Variants in AOPEP observed in about 807,000 individuals in gnomAD.
The protein encoded by AOPEP is aminopeptidase O (putative).
A neutral mutation model predicts 98.1 loss-of-function variants in AOPEP; 77 were observed. The ratio of observed to expected loss-of-function variants is 0.78; its 90% CI spans 0.65 to 0.95. The LOEUF is 0.95. Ranked by LOEUF, AOPEP falls within the 40% of genes least tolerant of loss-of-function variation. AOPEP has a pLI of 0.00. For missense variants in AOPEP, 1,024 were observed against 1,024.7 expected (o/e 1.00, Z 0.01); for synonymous variants, 346 against 365.3 (o/e 0.95, Z 0.60).
At chr9:95,083,653 T>C (rs1297627904) in intron 16 of AOPEP, among the ~76,000 whole-genome samples, 1 of 128,774 alleles carries the variant, frequency 7.8e-6, no homozygotes, top group African/African-American at 3.1e-5. Context: ...ACACAGCGCG[T>C]GCACCACACA....
chr9:94,994,143 A>G (rs2061072539), intron 11 of AOPEP, among the ~76,000 whole-genome samples: 1 of 152,138 alleles, frequency 6.6e-6, no homozygotes, highest in African/African-American at 2.4e-5. Flanking sequence ...TTGCTCTACA[A>G]TTCTCTCTGG....
chr9:95,086,743 T>A lies in AOPEP; in HGVS notation c.*66T>A, dbSNP rs2070749839. On this transcript the variant is annotated 3_prime_UTR_variant, in exon 17 of 17. Coordinates refer to ENST00000375315, the MANE Select transcript of AOPEP (RefSeq NM_001193329.3). ...CTAGCCTGGGGGACCAGGCTCGAAC[T>A]GACCCTGGACATCAAAGGAGGGATT... 2 of 988,230 alleles carry A rather than the reference T, an allele frequency of 2.0e-6. No individual in the cohort carries two copies. The highest frequency in any genetic ancestry group is 4.7e-5 in the South Asian group (1 of 21,388). 61.2% of individuals were successfully genotyped at this position (988,230 alleles called of 1,614,324 possible). A position where few individuals can be genotyped will look rare whatever the true frequency, so the allele number is the denominator to read the frequency against.
At chr9:94,762,364 G>A (rs972651977) in intron 2 of AOPEP, among the ~76,000 whole-genome samples, 3 of 151,866 alleles carry the variant, frequency 2.0e-5, no homozygotes, top group Admixed American at 6.6e-5. Flanking sequence ...GGAGAATGGC[G>A]TGAACCCGGG....
intron 13 of AOPEP, among the ~76,000 whole-genome samples, chr9:95,035,979 A>G (rs1284571422): frequency 6.6e-6 from 1 of 152,178 alleles, no homozygotes; most frequent in Non-Finnish European, 1.5e-5. Flanking sequence ...GAGGGTGGTG[A>G]CTGTAGACCC....
chr9:94,970,690 G>C (rs2059482134), intron 10 of AOPEP, among the ~76,000 whole-genome samples: 1 of 150,698 alleles, frequency 6.6e-6, no homozygotes, highest in Non-Finnish European at 1.5e-5. Flanking sequence ...AATGTTTTCA[G>C]ATTTGCTGTC....
the AOPEP span, chr9:95,111,543 C>G: frequency 3.1e-6 from 5 of 1,614,026 alleles, no homozygotes; most frequent in Non-Finnish European, 3.4e-6. Context: ...GTGGGGGGTT[C>G]GGCTGCCGAC....
chr9:94,864,463 T>G (rs555695894), intron 5 of AOPEP, among the ~76,000 whole-genome samples: 2 of 152,338 alleles, frequency 1.3e-5, no homozygotes, highest in East Asian at 3.9e-4. Context: ...AAAAATGCGT[T>G]AAAAATTGCT....
chr9:95,111,056 C>T, the AOPEP span: 40 of 1,476,384 alleles, frequency 2.7e-5, no homozygotes, highest in African/African-American at 3.4e-4. Context: ...AAGCCCTGGC[C>T]GGGCTGCTGG....
At chr9:94,984,265 G>A (rs191016238) in intron 11 of AOPEP, among the ~76,000 whole-genome samples, 12 of 152,248 alleles carry the variant, frequency 7.9e-5, no homozygotes, top group Admixed American at 1.3e-4. Context: ...TCCTGACCTC[G>A]TGATCTGTCT....
intron 5 of AOPEP, among the ~76,000 whole-genome samples, chr9:94,906,454 G>GA (rs2051143429): frequency 4.0e-5 from 1 of 25,218 alleles, no homozygotes; most frequent in South Asian, 1.6e-3. Flanking sequence ...GACCCTGTCT[G>GA]AAATAATAAT....
chr9:94,853,741 G>T (rs138326830), intron 5 of AOPEP, among the ~76,000 whole-genome samples: 1 of 152,248 alleles, frequency 6.6e-6, no homozygotes, highest in South Asian at 2.1e-4. Context: ...GGTACAAGTC[G>T]CACTACTATT....
At chr9:94,883,330 C>G (rs915041044) in intron 5 of AOPEP, among the ~76,000 whole-genome samples, 4 of 152,176 alleles carry the variant, frequency 2.6e-5, no homozygotes, top group Admixed American at 2.6e-4. Flanking sequence ...AGAATCAAAA[C>G]AGATTCAGAG....
chr9:95,087,985 G>C (rs73654515), downstream of AOPEP, among the ~76,000 whole-genome samples: 2,256 of 152,240 alleles, frequency 0.015, 58 homozygotes, highest in African/African-American at 0.051. Flanking sequence ...GGGAGGCCTT[G>C]GTCTCCAGAA....
chr9:95,093,844 G>A, the AOPEP span, among the ~76,000 whole-genome samples: 10 of 152,296 alleles, frequency 6.6e-5, no homozygotes, highest in African/African-American at 1.4e-4. Context: ...TGGGGGCTTC[G>A]TTCAAGTCCC....
At chr9:94,836,202 G>A (rs1317403458) in intron 5 of AOPEP, among the ~76,000 whole-genome samples, 1 of 152,150 alleles carries the variant, frequency 6.6e-6, no homozygotes, top group African/African-American at 2.4e-5. Context: ...TCATAGCACA[G>A]GCTTTTGTGT....
chr9:95,099,238 T>G, the AOPEP span: 4 of 218,058 alleles, frequency 1.8e-5, no homozygotes, highest in African/African-American at 9.0e-5. Flanking sequence ...CAGCATGCTT[T>G]ATCAAAAACT....
chr9:94,955,111 T>C, intron 7 of AOPEP, 66 bp from the exon 8 acceptor site: 1 of 838,600 alleles, frequency 1.2e-6, no homozygotes. Flanking sequence ...ACAAATAAGA[T>C]GCTATTATGA....
chr9:95,110,277 T>G, the AOPEP span: 1 of 1,011,658 alleles, frequency 9.9e-7, no homozygotes, highest in Middle Eastern at 4.8e-4. Flanking sequence ...TGATTCTCTG[T>G]CAGTAACCTT....
At chr9:94,798,670 CTG>C (rs754208027) in intron 4 of AOPEP, among the ~76,000 whole-genome samples, 4 of 152,182 alleles carry the variant, frequency 2.6e-5, no homozygotes, top group Non-Finnish European at 4.4e-5. Flanking sequence ...TCCAGTTTCT[CTG>C]TGGTTTAACA....
Sources: gnomAD v4.1 joint callset for allele counts (sites outside exome capture counted in the v4.1 genomes callset) on GRCh38, gnomAD v4.1.1 for gene constraint, MANE v1.5 for transcripts, NCBI Gene and HGNC (gene_info 2026-07-23, HGNC 2026-07-21) for gene names.